Variants in PPP6R2 observed in about 807,000 individuals in gnomAD.
The protein encoded by PPP6R2 is protein phosphatase 6 regulatory subunit 2.
A neutral mutation model predicts 100.2 loss-of-function variants in PPP6R2; 62 were observed. The ratio of observed to expected loss-of-function variants is 0.62; its 90% CI spans 0.50 to 0.76. The LOEUF is 0.76. PPP6R2 is among the 30% of genes least tolerant of loss of function. PPP6R2 has a pLI of 0.00. For missense variants in PPP6R2, 1,142 were observed against 1,276.3 expected (o/e 0.89, Z 1.60); for synonymous variants, 525 against 514.7 (o/e 1.02, Z -0.27).
chr22:50,438,301 G>T lies in PPP6R2; in HGVS notation c.1964+3G>T, dbSNP rs2064834023. The T allele has an allele frequency of 6.2e-7, 1 of 1,609,880 alleles. No homozygotes were observed. The highest frequency in any genetic ancestry group is 8.5e-7 in the Non-Finnish European group (1 of 1,178,186). ...GCCCGGGTGATGGCCAGACCCAGGT[G>T]CGGGGCCTGCCCATCCCCACAAAGC... is the stretch of plus-strand genomic sequence containing the variant. On this transcript the variant is annotated splice_donor_region_variant and intron_variant, in intron 18 of 23. Transcript: ENST00000612753.
chr22:50,435,199 A>C, intron 13 of PPP6R2, 118 bp downstream of exon 13: 1 of 710,036 alleles, frequency 1.4e-6, no homozygotes, highest in Non-Finnish European at 2.2e-6. Context: ...ACAGTGAGAG[A>C]CCCATGGCCA....
intron 1 of PPP6R2, among the ~76,000 whole-genome samples, chr22:50,357,949 T>C (rs2046966446): frequency 6.6e-6 from 1 of 152,018 alleles, no homozygotes; most frequent in South Asian, 2.1e-4. Flanking sequence ...ATTTTTTAAA[T>C]TTTTTAAATT....
In PPP6R2 at chr22:50,388,611, C is replaced by T. The variant is rs368686588; in HGVS notation, c.-16-5282C>T. ...AAAAAGGGCCAGGCACGGTGGCTCA[C>T]GCCTATAATCCCAGCATTTTGGGAG... On this transcript the variant is annotated intron_variant, in intron 2 of 23. Transcript: ENST00000612753. 2.6e-5 allele frequency among the ~76,000 whole-genome samples: 4 copies of T among 151,972 alleles called. No homozygotes were observed. The South Asian group carries it at 6.2e-4, about 24-fold the overall frequency.
At chr22:50,414,528 CCT>C in intron 4 of PPP6R2, 22 bp from the exon 5 acceptor site, 2 of 1,611,984 alleles carry the variant, frequency 1.2e-6, no homozygotes, top group Non-Finnish European at 1.7e-6. Flanking sequence ...GCCCCGCCTG[CCT>C]CTCAGGTGTG....
Position 50,366,096 on chromosome 22 carries a change from T to C in PPP6R2, c.-147-5924T>C, listed in dbSNP as rs373844916. On this transcript the variant is annotated intron_variant, in intron 1 of 23. Coordinates refer to ENST00000612753, the MANE Select transcript of PPP6R2 (RefSeq NM_001242898.2). ...TCTTGACCTTTGTTCTGGGATGAGGTTCAATTACTTGGAAACAGTTTGATT... is the reference window on the plus strand; with the variant it reads ...TCTTGACCTTTGTTCTGGGATGAGGCTCAATTACTTGGAAACAGTTTGATT... Among the ~76,000 whole-genome samples the C allele has an allele frequency of 1.7e-4, 26 of 152,268 alleles. No individual in the cohort carries two copies. In the East Asian group the frequency reaches 4.3e-3, roughly 25 times the overall value.
chr22:50,405,325 GA>G (rs879940780), intron 3 of PPP6R2, among the ~76,000 whole-genome samples: 6,067 of 143,384 alleles, frequency 0.042, 88 homozygotes, highest in East Asian at 0.073. Flanking sequence ...AGAGAGGTGA[GA>G]GGCCTGGCAG....
chr22:50,349,785 A>G (rs2044601978), intron 1 of PPP6R2, among the ~76,000 whole-genome samples: 1 of 150,246 alleles, frequency 6.7e-6, no homozygotes, highest in Non-Finnish European at 1.5e-5. Flanking sequence ...ATTGCATTCC[A>G]TTCTGGGCAA....
chr22:50,331,097 T>G, the PPP6R2 span, among the ~76,000 whole-genome samples: 1 of 152,210 alleles, frequency 6.6e-6, no homozygotes, highest in Non-Finnish European at 1.5e-5. Flanking sequence ...CTGCCTGGTT[T>G]CTTGTGCCTC....
intron 7 of PPP6R2, 43 bp downstream of exon 7, chr22:50,419,022 G>C: frequency 6.8e-7 from 1 of 1,473,602 alleles, no homozygotes; most frequent in Non-Finnish European, 9.5e-7. Flanking sequence ...CTCCCTTTCT[G>C]GGTCATGGGG....
the PPP6R2 span, among the ~76,000 whole-genome samples, chr22:50,331,482 G>C: frequency 3.4e-4 from 51 of 152,130 alleles, no homozygotes; most frequent in Non-Finnish European, 4.6e-4. Flanking sequence ...CCGTTCGAGG[G>C]GGTCTGCAGT....
chr22:50,356,305 CTTTTT>C (rs542422707), intron 1 of PPP6R2, among the ~76,000 whole-genome samples: 1 of 135,288 alleles, frequency 7.4e-6, no homozygotes, highest in Non-Finnish European at 1.6e-5. Context: ...TCTATTTTTC[CTTTTT>C]TTTTTTTTTT....
rs770833944 is a variant in PPP6R2 at position 50,441,016 on chromosome 22, G to C, written c.2569G>C (p.Ala857Pro). The change falls in exon 22 of 24, where the codon GCT becomes CCT. Residue 857 changes from alanine to proline, a missense_variant. By Grantham distance (27) the Ala-to-Pro change is conservative. This residue lies in a region of PPP6R2 where 550 missense variants were observed against 517.4 expected (regional missense o/e 1.06). Coordinates refer to ENST00000612753, the MANE Select transcript of PPP6R2 (RefSeq NM_001242898.2). ...PLPTVARTEE[A>P]VGRVGCADSR... Reference sequence around the variant, plus strand: ...GCCCACAGTGGCCAGGACAGAGGAGGCTGTCGGCAGGTGTGTGGGGCGTGG... The same window carrying C: ...GCCCACAGTGGCCAGGACAGAGGAGCCTGTCGGCAGGTGTGTGGGGCGTGG... 43 of 1,589,934 alleles carry C rather than the reference G, an allele frequency of 2.7e-5. No individual in the cohort carries two copies. The South Asian group carries it at 4.0e-4, about 15-fold the overall frequency.
chr22:50,346,226 G>GT, intron 1 of PPP6R2, among the ~76,000 whole-genome samples: 1 of 23,998 alleles, frequency 4.2e-5, no homozygotes. Context: ...TCCAGTCAGT[G>GT]CCCCTCCAGT....
At chr22:50,418,715 A>AG (rs1375739759) in intron 6 of PPP6R2, 152 bp from the exon 7 acceptor site, 2 of 628,860 alleles carry the variant, frequency 3.2e-6, no homozygotes, top group Admixed American at 2.8e-5. Context: ...AAAAAAGAAA[A>AG]AGTATTTGAA....
At chr22:50,437,381 C>A in intron 15 of PPP6R2, 125 bp from the exon 16 acceptor site, 1 of 716,258 alleles carries the variant, frequency 1.4e-6, no homozygotes, top group South Asian at 1.7e-5. Context: ...TTACTGCCCA[C>A]TTGTGCTGGA....
intron 4 of PPP6R2, 73 bp from the exon 5 acceptor site, chr22:50,414,479 A>C: frequency 2.6e-6 from 4 of 1,531,924 alleles, no homozygotes; most frequent in Non-Finnish European, 3.6e-6. Context: ...CTTTCCCATG[A>C]GAGTTTTTGG....
chr22:50,360,708 G>T (rs935014660), intron 1 of PPP6R2, among the ~76,000 whole-genome samples: 1 of 152,156 alleles, frequency 6.6e-6, no homozygotes, highest in Admixed American at 6.5e-5. Flanking sequence ...GAGCCACAGA[G>T]AAGCTGGCAG....
chr22:50,437,621 G>T lies in PPP6R2; in HGVS notation c.1781+18G>T. 6.4e-7 allele frequency: 1 copy of T among 1,574,110 alleles called. No individual in the cohort carries two copies. Among genetic ancestry groups the T allele is most frequent in the Non-Finnish European group, 8.7e-7 (1 of 1,143,738 alleles). The stretch of plus-strand genomic sequence containing the variant: ...AACATCAAGTGAGTCTACTTGGAGC[G>T]CACTCTGCACGAGGCGCGGCTCTCC... On this transcript the variant is annotated intron_variant, in intron 16 of 23. Coordinates refer to ENST00000612753, the MANE Select transcript of PPP6R2 (RefSeq NM_001242898.2).
At chr22:50,340,548 CGTGTGTGTGGTATGTA>C (rs1325145631), upstream of PPP6R2, among the ~76,000 whole-genome samples, 3 of 68,676 alleles carry the variant, frequency 4.4e-5, no homozygotes, top group African/African-American at 6.2e-5. Context: ...GTGTGTGTCG[CGTGTGTGTGGTATGTA>C]GTGTGTGTGG....
Sources: allele counts gnomAD v4.1 joint callset (sites outside exome capture counted in the v4.1 genomes callset), GRCh38; gene constraint gnomAD v4.1.1; regional missense constraint gnomAD v4.1.1; transcripts MANE v1.5; gene names NCBI Gene and HGNC (gene_info 2026-07-23, HGNC 2026-07-21).